NCALD: variants seen among roughly 807,000 people sequenced by gnomAD.
The protein encoded by NCALD is neurocalcin delta.
A neutral mutation model predicts 18.6 loss-of-function variants in NCALD; 10 were observed. The observed-to-expected ratio is 0.54, with a 90% CI of 0.33 to 0.91. NCALD has a LOEUF of 0.91. NCALD is among the 40% of genes least tolerant of loss of function. The pLI is 0.03. For synonymous variants in NCALD, 88 were observed against 87.4 expected, an observed-to-expected ratio of 1.01 and a Z score of -0.04; for missense variants, 184 against 247.6, an observed-to-expected ratio of 0.74 and a Z score of 1.72.
At chr8:102,112,236 T>C (rs1010592828) in intron 1 of NCALD, among the ~76,000 whole-genome samples, 2 of 152,198 alleles carry the variant, frequency 1.3e-5, no homozygotes, top group African/African-American at 4.8e-5. Flanking sequence ...TGTGTTATTC[T>C]ACTTAACCCT....
At position 101,689,186 on chromosome 8, in the gene NCALD, T is replaced by A. The variant is rs1308367225; in HGVS notation, c.*123A>T. 1 of 890,500 alleles carries A rather than the reference T, an allele frequency of 1.1e-6. No homozygotes were observed. Among genetic ancestry groups the A allele is most frequent in the African/African-American group, 1.7e-5 (1 of 59,674 alleles). 55.2% of individuals were successfully genotyped at this position (890,500 alleles called of 1,614,324 possible). Reference sequence around the variant, plus strand: ...TGAAGGCGTCACGGAGGAAGGCGCATCAGACCGCACAGGGGACGGCATCAC... The same window carrying A: ...TGAAGGCGTCACGGAGGAAGGCGCAACAGACCGCACAGGGGACGGCATCAC... On this transcript the variant is annotated 3_prime_UTR_variant, in exon 4 of 4. Transcript: ENST00000220931. This position sits in a 1 kb window ranked among gnomAD's most constrained non-coding sequence, Gnocchi z 4.4.
At chr8:101,946,893 C>T (rs1253964795) in intron 2 of NCALD, among the ~76,000 whole-genome samples, 1 of 148,138 alleles carries the variant, frequency 6.8e-6, no homozygotes, top group Non-Finnish European at 1.5e-5. Context: ...TAATAGCCAA[C>T]ACCATAGACA....
chr8:101,930,462 C>G (rs1432616992), intron 2 of NCALD, among the ~76,000 whole-genome samples: 1 of 151,958 alleles, frequency 6.6e-6, no homozygotes, highest in Non-Finnish European at 1.5e-5. Context: ...AAAAATGTGG[C>G]TATGTGAGCT....
rs572017945 is a variant in NCALD, at chr8:101,962,086, T to G, written c.-156-46228A>C. On this transcript the variant is annotated intron_variant, in intron 2 of 6. Transcript: ENST00000311028. ...GGACCAAACTGTGGCTTATTCATTTTGTTATTTAAAAAAAAATGCAGAAGT... is the reference window on the plus strand; with the variant it reads ...GGACCAAACTGTGGCTTATTCATTTGGTTATTTAAAAAAAAATGCAGAAGT... Among the ~76,000 whole-genome samples the G allele has an allele frequency of 7.2e-5, 11 of 152,282 alleles. No individual in the cohort carries two copies. In the South Asian group the frequency reaches 1.5e-3, roughly 20 times the overall value.
intron 1 of NCALD, among the ~76,000 whole-genome samples, chr8:102,037,252 C>T (rs774746203): frequency 2.6e-5 from 4 of 152,066 alleles, no homozygotes; most frequent in Non-Finnish European, 5.9e-5. Context: ...CCCTATTTTA[C>T]AGAGATAAAA....
intron 4 of NCALD, among the ~76,000 whole-genome samples, chr8:101,835,169 T>C (rs1460800012): frequency 6.6e-6 from 1 of 152,252 alleles, no homozygotes; most frequent in Non-Finnish European, 1.5e-5. Flanking sequence ...CATCGGATGC[T>C]GTAACAAGTA....
intron 2 of NCALD, among the ~76,000 whole-genome samples, chr8:102,000,992 G>C (rs1379332195): frequency 2.6e-5 from 4 of 152,202 alleles, no homozygotes; most frequent in African/African-American, 4.8e-5. Context: ...AAGGAATACA[G>C]CTCCTCACCA....
intron 1 of NCALD, among the ~76,000 whole-genome samples, chr8:102,104,971 C>T (rs181165748): frequency 1.4e-4 from 22 of 152,258 alleles, no homozygotes; most frequent in Admixed American, 9.8e-4. Flanking sequence ...GATTGTTCAG[C>T]GAACAGATAA....
chr8:102,006,046 T>C (rs1181027590), intron 2 of NCALD, among the ~76,000 whole-genome samples: 1 of 150,054 alleles, frequency 6.7e-6, no homozygotes, highest in Non-Finnish European at 1.5e-5. Flanking sequence ...AAAAAAAAAC[T>C]GGAGAGTTAA....
intron 1 of NCALD, among the ~76,000 whole-genome samples, chr8:102,045,395 T>G (rs1823203628): frequency 6.6e-6 from 1 of 152,218 alleles, no homozygotes; most frequent in Non-Finnish European, 1.5e-5. Flanking sequence ...GCACCTACCA[T>G]ACCGGGTGCT....
At chr8:101,718,011 T>G (rs951119394) in intron 2 of NCALD, among the ~76,000 whole-genome samples, 3 of 152,228 alleles carry the variant, frequency 2.0e-5, no homozygotes, top group African/African-American at 7.2e-5. Context: ...CAATATTTCC[T>G]TTCTGTGATC....
intron 4 of NCALD, among the ~76,000 whole-genome samples, chr8:101,853,483 G>A (rs142958592): frequency 1.3e-5 from 2 of 152,210 alleles, no homozygotes; most frequent in African/African-American, 4.8e-5. Flanking sequence ...AAAATCTGAT[G>A]GTTTCATGTA....
At chr8:101,731,000 T>C (rs1294873814) in intron 1 of NCALD, among the ~76,000 whole-genome samples, 1 of 151,996 alleles carries the variant, frequency 6.6e-6, no homozygotes, top group Non-Finnish European at 1.5e-5. Flanking sequence ...ATACCAGCAG[T>C]CAGTGAACGG....
At chr8:101,700,968 C>T (rs2130132184) in intron 2 of NCALD, among the ~76,000 whole-genome samples, 1 of 152,280 alleles carries the variant, frequency 6.6e-6, no homozygotes, top group African/African-American at 2.4e-5. Flanking sequence ...AAGAGGCTCA[C>T]AGATGACTCT....
Position 101,688,809 on chromosome 8 carries a change from C to A in NCALD, c.*500G>T. 1 of 621,646 alleles carries A rather than the reference C, an allele frequency of 1.6e-6. No individual in the cohort carries two copies. Among genetic ancestry groups the A allele is most frequent in the Non-Finnish European group, 3.0e-6 (1 of 336,856 alleles). The allele number at this position is 621,646 out of a possible 1,614,324, so 38.5% of individuals were successfully genotyped here. A position where few individuals can be genotyped will look rare whatever the true frequency, so the allele number is the denominator to read the frequency against. ...GAGTGGGCCCCCATGGGGAAATGTC[C>A]CAGCTCGCTGGAATAGCCTCACCCC... On this transcript the variant is annotated 3_prime_UTR_variant, in exon 4 of 4. Transcript: ENST00000220931.
intron 1 of NCALD, among the ~76,000 whole-genome samples, chr8:101,726,903 G>A (rs1816596932): frequency 6.6e-6 from 1 of 152,164 alleles, no homozygotes; most frequent in Admixed American, 6.5e-5. Flanking sequence ...TGTAGATCAA[G>A]GACTGAGCCT....
intron 4 of NCALD, among the ~76,000 whole-genome samples, chr8:101,883,567 T>C (rs566251264): frequency 6.6e-6 from 1 of 152,294 alleles, no homozygotes; most frequent in South Asian, 2.1e-4. Context: ...CCTCTCGTTT[T>C]CCTCTCTTGA....
At chr8:101,771,561 C>T (rs546883556) in intron 1 of NCALD, among the ~76,000 whole-genome samples, 27 of 152,198 alleles carry the variant, frequency 1.8e-4, no homozygotes, top group African/African-American at 6.5e-4. Flanking sequence ...TACTACAGGG[C>T]CTACCAGGAC....
At chr8:102,103,310 G>C (rs1409719293) in intron 1 of NCALD, among the ~76,000 whole-genome samples, 1 of 152,096 alleles carries the variant, frequency 6.6e-6, no homozygotes, top group Non-Finnish European at 1.5e-5. Context: ...GCTTACTACA[G>C]GATGGGCACA....
Sources: gnomAD v4.1 joint callset for allele counts (sites outside exome capture counted in the v4.1 genomes callset) on GRCh38, gnomAD v4.1.1 for gene constraint, Gnocchi (gnomAD v3.1) non-coding constraint, MANE v1.5 for transcripts, NCBI Gene and HGNC (gene_info 2026-07-23, HGNC 2026-07-21) for gene names.